Variants in GALNT17 observed in about 807,000 individuals in gnomAD.
GALNT17 encodes polypeptide N-acetylgalactosaminyltransferase 17.
Under a neutral mutation model 63.7 loss-of-function variants are expected in GALNT17, and 29 were observed. The ratio of observed to expected loss-of-function variants is 0.46; its 90% CI spans 0.34 to 0.62. The LOEUF (loss-of-function observed/expected upper bound fraction) is 0.62, where lower values mean the gene tolerates loss of function less well. Ranked by LOEUF, GALNT17 falls within the 20% of genes least tolerant of loss-of-function variation. GALNT17 has a pLI of 0.01. For missense variants in GALNT17, 603 were observed against 799.6 expected (o/e 0.75, Z 2.97); for synonymous variants, 305 against 318.3 (o/e 0.96, Z 0.45).
At chr7:71,473,152 G>A (rs1179191619) in intron 5 of GALNT17, among the ~76,000 whole-genome samples, 1 of 152,168 alleles carries the variant, frequency 6.6e-6, no homozygotes, top group Non-Finnish European at 1.5e-5. Context: ...AAAGAGTTAA[G>A]CTTTGTCTAA....
chr7:71,657,580 G>A (rs964842574), intron 6 of GALNT17, among the ~76,000 whole-genome samples: 2 of 152,146 alleles, frequency 1.3e-5, no homozygotes, highest in African/African-American at 4.8e-5. Flanking sequence ...CTCTTCCGGG[G>A]TCCCTGAAGC....
intron 1 of GALNT17, among the ~76,000 whole-genome samples, chr7:71,210,027 A>G (rs1371787597): frequency 6.6e-6 from 1 of 152,008 alleles, no homozygotes; most frequent in Admixed American, 6.6e-5. Flanking sequence ...GGTTCAAGCA[A>G]TTCTCCTGCC....
intron 1 of GALNT17, among the ~76,000 whole-genome samples, chr7:71,183,136 G>A (rs969818629): frequency 6.6e-6 from 1 of 152,116 alleles, no homozygotes; most frequent in Non-Finnish European, 1.5e-5. Context: ...GGCGGAAACT[G>A]TGCCAGAGAT....
At chr7:71,321,414 A>G (rs1052234809) in intron 1 of GALNT17, among the ~76,000 whole-genome samples, 2 of 152,136 alleles carry the variant, frequency 1.3e-5, no homozygotes, top group African/African-American at 4.8e-5. Context: ...ACAGGGGGAT[A>G]TTTGTGGCAA....
At position 71,358,230 on chromosome 7, in the gene GALNT17, T is replaced by C. The variant is rs981908146; in HGVS notation, c.422+22497T>C. 2.6e-5 allele frequency among the ~76,000 whole-genome samples: 4 copies of C among 152,108 alleles called. No individual in the cohort carries two copies. In the East Asian group the frequency reaches 7.7e-4, roughly 29 times the overall value. ...AACTGCGGACACAAAACCTCATCTC[T>C]ACTGAAAATACAAAAATTAGCCAGG... On this transcript the variant is annotated intron_variant, in intron 2 of 10. Coordinates refer to ENST00000333538, the MANE Select transcript of GALNT17 (RefSeq NM_022479.3).
At chr7:71,466,100 C>T (rs943495735) in intron 5 of GALNT17, among the ~76,000 whole-genome samples, 1 of 152,192 alleles carries the variant, frequency 6.6e-6, no homozygotes, top group Non-Finnish European at 1.5e-5. Context: ...TGCAAGGCCA[C>T]TTCTGTCAGC....
intron 4 of GALNT17, among the ~76,000 whole-genome samples, chr7:71,417,762 C>T (rs563664175): frequency 1.3e-5 from 2 of 152,216 alleles, no homozygotes; most frequent in African/African-American, 2.4e-5. Flanking sequence ...TCCTTGGCAT[C>T]ATTGCCTCCT....
At chr7:71,252,350 CCCTGT>C (rs575123749) in intron 1 of GALNT17, among the ~76,000 whole-genome samples, 98 of 151,936 alleles carry the variant, frequency 6.5e-4, no homozygotes, top group Admixed American at 1.6e-3. Context: ...CATGATGAAA[CCCTGT>C]CTCTACTAAA....
chr7:71,418,064 A>G (rs1050309691), intron 4 of GALNT17, among the ~76,000 whole-genome samples: 2 of 152,166 alleles, frequency 1.3e-5, no homozygotes, highest in Non-Finnish European at 2.9e-5. Flanking sequence ...GGAGTTTGGC[A>G]CTGAGTGATT....
At chr7:71,223,755 C>T (rs1293087890) in intron 1 of GALNT17, among the ~76,000 whole-genome samples, 1 of 152,086 alleles carries the variant, frequency 6.6e-6, no homozygotes, top group Non-Finnish European at 1.5e-5. Flanking sequence ...GTTGTTCCCT[C>T]TTTGTGTTGA....
intron 3 of GALNT17, among the ~76,000 whole-genome samples, chr7:71,412,268 GCCCT>G (rs1331813379): frequency 6.6e-6 from 1 of 152,218 alleles, no homozygotes; most frequent in African/African-American, 2.4e-5. Context: ...TTGCTCACTA[GCCCT>G]CCTTCCTGCC....
chr7:71,478,249 ATC>A (rs1787756536), intron 5 of GALNT17, among the ~76,000 whole-genome samples: 1 of 152,076 alleles, frequency 6.6e-6, no homozygotes, highest in African/African-American at 2.4e-5. Flanking sequence ...CAAACCTGTG[ATC>A]CTATGATCAC....
At chr7:71,522,375 A>G (rs956403534) in intron 5 of GALNT17, among the ~76,000 whole-genome samples, 2 of 152,208 alleles carry the variant, frequency 1.3e-5, no homozygotes, top group Admixed American at 6.5e-5. Flanking sequence ...ACAATTTACA[A>G]AAGAAATAGG....
chr7:71,440,112 T>G (rs1787038908), intron 5 of GALNT17, among the ~76,000 whole-genome samples: 1 of 151,912 alleles, frequency 6.6e-6, no homozygotes, highest in Non-Finnish European at 1.5e-5. Context: ...GTATTTTTAG[T>G]AGGGGCAGGA....
intron 5 of GALNT17, among the ~76,000 whole-genome samples, chr7:71,500,508 G>A (rs947940273): frequency 6.6e-6 from 1 of 152,046 alleles, no homozygotes; most frequent in Non-Finnish European, 1.5e-5. Flanking sequence ...CCTCCTCTCT[G>A]TTGGCCTCCT....
chr7:71,674,734 C>T (rs1019970481), intron 8 of GALNT17, among the ~76,000 whole-genome samples: 6 of 152,172 alleles, frequency 3.9e-5, no homozygotes, highest in Non-Finnish European at 7.3e-5. Context: ...CCAGGCTTGT[C>T]TCACACTCCT....
At chr7:71,652,102 C>T (rs1289396863) in intron 6 of GALNT17, among the ~76,000 whole-genome samples, 2 of 152,066 alleles carry the variant, frequency 1.3e-5, no homozygotes, top group East Asian at 1.9e-4. Flanking sequence ...TCCTCCCAGC[C>T]CTACTTCTGG....
intron 1 of GALNT17, among the ~76,000 whole-genome samples, chr7:71,228,050 G>A (rs943154740): frequency 2.0e-5 from 3 of 152,168 alleles, no homozygotes; most frequent in Non-Finnish European, 4.4e-5. Context: ...TTTGGTGTTT[G>A]ATCCAGGGCT....
intron 5 of GALNT17, among the ~76,000 whole-genome samples, chr7:71,437,330 G>A (rs115790001): frequency 1.2e-3 from 180 of 152,216 alleles, no homozygotes; most frequent in African/African-American, 4.1e-3. Context: ...TTCTATTCCT[G>A]TGATTTTACA....
Sources: gnomAD v4.1 joint callset for allele counts (sites outside exome capture counted in the v4.1 genomes callset) on GRCh38, gnomAD v4.1.1 for gene constraint, MANE v1.5 for transcripts, NCBI Gene and HGNC (gene_info 2026-07-23, HGNC 2026-07-21) for gene names.